Variants in TRMT9B observed in about 807,000 individuals in gnomAD.
TRMT9B encodes tRNA methyltransferase 9B (putative).
TRMT9B carries 16 observed loss-of-function variants against 11.5 expected under a neutral mutation model. The observed-to-expected ratio is 1.39, with a 90% CI of 0.94 to 2.11. TRMT9B has a LOEUF of 2.11. TRMT9B is among the 30% of genes most tolerant of loss of function. TRMT9B has a pLI of 0.00. For synonymous variants in TRMT9B, 274 were observed against 192.4 expected, an observed-to-expected ratio of 1.42 and a Z score of -3.51; for missense variants, 941 against 553.8, an observed-to-expected ratio of 1.70 and a Z score of -7.02.
intron 4 of TRMT9B, 97 bp downstream of exon 4, chr8:13,012,954 G>A (rs1200619649): frequency 1.5e-6 from 2 of 1,335,936 alleles, no homozygotes; most frequent in East Asian, 2.7e-5. Flanking sequence ...GTGTAGAAAT[G>A]TCAATGTAAT....
chr8:13,000,260 A>T (rs1809169013), intron 2 of TRMT9B, among the ~76,000 whole-genome samples: 1 of 152,182 alleles, frequency 6.6e-6, no homozygotes, highest in Non-Finnish European at 1.5e-5. Flanking sequence ...GAATTCAAGT[A>T]GGTAGAAAAA....
In TRMT9B at chr8:12,970,500, G is replaced by A. The variant is rs149629298; in HGVS notation, c.-199-20334G>A. On this transcript the variant is annotated intron_variant, in intron 1 of 4. Coordinates refer to ENST00000524591, the MANE Select transcript of TRMT9B (RefSeq NM_020844.3). ...GGGCCTCTTGGTAAACGTGGACTCC[G>A]TTGTTCAGATCTAGAGCAGACGCCT... is the stretch of plus-strand genomic sequence containing the variant. Among the ~76,000 whole-genome samples the A allele has an allele frequency of 5.8e-3, 882 of 152,280 alleles. 6 individuals are homozygous for A. Among genetic ancestry groups the A allele is most frequent in the South Asian group, 0.023 (110 of 4,828 alleles).
chr8:12,970,501 T>C (rs113888872), intron 1 of TRMT9B, among the ~76,000 whole-genome samples: 131 of 152,338 alleles, frequency 8.6e-4, no homozygotes, highest in African/African-American at 3.0e-3. Context: ...GTGGACTCCG[T>C]TGTTCAGATC....
At chr8:12,957,422 C>T (rs1371100844) in intron 1 of TRMT9B, among the ~76,000 whole-genome samples, 1 of 151,924 alleles carries the variant, frequency 6.6e-6, no homozygotes, top group African/African-American at 2.4e-5. Context: ...AAAATTTTAT[C>T]AGAGCCTATA....
At position 13,025,323 on chromosome 8, in the gene TRMT9B, A is replaced by G. The variant is rs1814563780; in HGVS notation, c.*3279A>G. 1 of 166,098 alleles carries G rather than the reference A, an allele frequency of 6.0e-6. No homozygotes were observed. The highest frequency in any genetic ancestry group is 1.5e-5 in the Non-Finnish European group (1 of 68,230). The allele number at this position is 166,098 out of a possible 1,614,324, so 10.3% of individuals were successfully genotyped here. A position where few individuals can be genotyped will look rare whatever the true frequency, so the allele number is the denominator to read the frequency against. On this transcript the variant is annotated 3_prime_UTR_variant, in exon 5 of 5. Transcript: ENST00000524591. ...CAGCTGAGGTCAGGAGTTTGAGACCAGCCTGACCAACATGGTGAAACCCCG... is the reference window on the plus strand; with the variant it reads ...CAGCTGAGGTCAGGAGTTTGAGACCGGCCTGACCAACATGGTGAAACCCCG...
rs1027875074 is a variant in TRMT9B at position 13,012,468 on chromosome 8, G to A, written c.155-216G>A. The A allele has an allele frequency of 7.4e-6, 4 of 542,600 alleles. No individual in the cohort carries two copies. In the South Asian group the frequency reaches 1.4e-4, roughly 19 times the overall value. The allele number at this position is 542,600 out of a possible 1,614,324, so 33.6% of individuals were successfully genotyped here. A position where few individuals can be genotyped will look rare whatever the true frequency, so the allele number is the denominator to read the frequency against. ...CACGCGCCTATGATCCCACCTACTCGGGAGGCTAAGGCAAGAGAATTGCTT... is the reference window on the plus strand; with the variant it reads ...CACGCGCCTATGATCCCACCTACTCAGGAGGCTAAGGCAAGAGAATTGCTT... On this transcript the variant is annotated intron_variant, in intron 3 of 4. Transcript: ENST00000524591.
In TRMT9B at chr8:13,021,654, A is replaced by G. The variant is rs1454715198; in HGVS notation, c.975A>G (p.Arg325=). 8 of 1,613,836 alleles carry G rather than the reference A, an allele frequency of 5.0e-6. No individual in the cohort carries two copies. Among genetic ancestry groups the G allele is most frequent in the Non-Finnish European group, 6.8e-6 (8 of 1,179,778 alleles). The change falls in exon 5 of 5, where the codon AGA becomes AGG. Residue 325 remains arginine, a synonymous_variant. Coordinates refer to ENST00000524591, the MANE Select transcript of TRMT9B (RefSeq NM_020844.3). ...CTGGAAAACACTTGGAGTGGCTGAG[A>G]GCACCAGGCACTCTGAAACATTTAA... ...SSSGKHLEWL[R]APGTLKHLNG...
chr8:13,016,765 C>G (rs1399517686), intron 4 of TRMT9B, among the ~76,000 whole-genome samples: 1 of 151,120 alleles, frequency 6.6e-6, no homozygotes, highest in South Asian at 2.1e-4. Flanking sequence ...TTCCCCCTTT[C>G]CCCAGAGGAC....
chr8:13,025,580 A>C lies in TRMT9B; in HGVS notation c.*3536A>C, dbSNP rs958597962. The C allele has an allele frequency of 1.2e-5, 2 of 167,084 alleles. No individual in the cohort carries two copies. The highest frequency in any genetic ancestry group is 2.9e-5 in the Non-Finnish European group (2 of 68,126). The allele number at this position is 167,084 out of a possible 1,614,324, so 10.4% of individuals were successfully genotyped here. A position where few individuals can be genotyped will look rare whatever the true frequency, so the allele number is the denominator to read the frequency against. On this transcript the variant is annotated 3_prime_UTR_variant, in exon 5 of 5. Coordinates refer to ENST00000524591, the MANE Select transcript of TRMT9B (RefSeq NM_020844.3). The stretch of plus-strand genomic sequence containing the variant: ...CTGTCTATTTGAGGAATTCCACAGA[A>C]TCTTCAAAGGATTTGGGGGAAAGCG...
intron 1 of TRMT9B, among the ~76,000 whole-genome samples, chr8:12,954,939 A>G (rs540253292): frequency 6.6e-6 from 1 of 152,302 alleles, no homozygotes; most frequent in African/African-American, 2.4e-5. Flanking sequence ...GGAGATAATG[A>G]CACCTCCCCA....
intron 4 of TRMT9B, among the ~76,000 whole-genome samples, chr8:13,016,254 G>A (rs1351063960): frequency 6.9e-5 from 10 of 145,106 alleles, no homozygotes; most frequent in East Asian, 2.0e-4. Context: ...AAATATAAAT[G>A]TGAAATATAT....
intron 1 of TRMT9B, among the ~76,000 whole-genome samples, chr8:12,960,737 C>T (rs1801992835): frequency 6.6e-6 from 1 of 152,158 alleles, no homozygotes; most frequent in South Asian, 2.1e-4. Flanking sequence ...GTGATTCCAG[C>T]TAATTGACAT....
rs184739442 is a variant in TRMT9B at position 12,954,268 on chromosome 8, G to A, written c.-200+8302G>A. Among the ~76,000 whole-genome samples the A allele has an allele frequency of 4.7e-3, 714 of 152,272 alleles. 6 individuals carry two copies. Among genetic ancestry groups the A allele is most frequent in the African/African-American group, 0.016 (664 of 41,554 alleles). ...CCAGACCTTATAGTATTTCTGATAC[G>A]CGGATATGTGAATGCTTAAATGCAT... On this transcript the variant is annotated intron_variant, in intron 1 of 4. Coordinates refer to ENST00000524591, the MANE Select transcript of TRMT9B (RefSeq NM_020844.3).
At chr8:12,964,189 T>C (rs1802508931) in intron 1 of TRMT9B, among the ~76,000 whole-genome samples, 1 of 152,220 alleles carries the variant, frequency 6.6e-6, no homozygotes, top group Non-Finnish European at 1.5e-5. Context: ...TTAAAGCTAT[T>C]TTTCAAAAAT....
Position 13,021,137 on chromosome 8 carries a change from AGCAAGACGT to A in TRMT9B, c.461_469del (p.Gln154_Val156del). 1 of 1,613,822 alleles carries A rather than the reference AGCAAGACGT, an allele frequency of 6.2e-7. No homozygotes were observed. Among genetic ancestry groups the A allele is most frequent in the Non-Finnish European group, 8.5e-7 (1 of 1,179,766 alleles). ...GAACAAAAGAACCGTCACTTTGAGA[AGCAAGACGT>A]GCTTGTTCCATGGAACAGGGCTCTG... On this transcript the variant is annotated inframe_deletion, in exon 5 of 5. Transcript: ENST00000524591.
chr8:12,999,981 A>T (rs190533357), intron 2 of TRMT9B, among the ~76,000 whole-genome samples: 13 of 152,350 alleles, frequency 8.5e-5, no homozygotes, highest in Non-Finnish European at 1.6e-4. Flanking sequence ...ATCTAATAAA[A>T]ACTGATGTAT....
At chr8:12,999,286 G>C (rs1808937656) in intron 2 of TRMT9B, among the ~76,000 whole-genome samples, 1 of 133,800 alleles carries the variant, frequency 7.5e-6, no homozygotes, top group African/African-American at 2.9e-5. Context: ...GTGACAGAGG[G>C]AGACTCCATC....
At position 13,020,934 on chromosome 8, in the gene TRMT9B, G is replaced by C. The variant is rs948686026; in HGVS notation, c.329-74G>C. ...TGTCAAAATTTCATCCTTGTTATATGGTAAACACCAGTGTATACGTGTGTG... is the reference window on the plus strand; with the variant it reads ...TGTCAAAATTTCATCCTTGTTATATCGTAAACACCAGTGTATACGTGTGTG... On this transcript the variant is annotated intron_variant, in intron 4 of 4. Transcript: ENST00000524591. 3.1e-6 allele frequency: 3 copies of C among 975,228 alleles called. No homozygotes were observed. The African/African-American group carries it at 5.0e-5, about 16-fold the overall frequency. The allele number at this position is 975,228 out of a possible 1,614,324, so 60.4% of individuals were successfully genotyped here.
intron 2 of TRMT9B, among the ~76,000 whole-genome samples, chr8:12,996,083 G>A (rs532915405): frequency 1.3e-5 from 2 of 152,146 alleles, no homozygotes; most frequent in East Asian, 1.9e-4. Flanking sequence ...ACAAGCTGAG[G>A]ATCATGTAGC....
Sources: gnomAD v4.1 joint callset for allele counts (sites outside exome capture counted in the v4.1 genomes callset) on GRCh38, gnomAD v4.1.1 for gene constraint, MANE v1.5 for transcripts, NCBI Gene and HGNC (gene_info 2026-07-23, HGNC 2026-07-21) for gene names.